The following RASAL2 variants were observed in gnomAD, a reference collection of about 807,000 sequenced individuals.
The protein encoded by RASAL2 is RAS protein activator like 2.
RASAL2 carries 58 observed loss-of-function variants against 128.9 expected under a neutral mutation model. The ratio of observed to expected loss-of-function variants is 0.45; its 90% CI spans 0.36 to 0.56. RASAL2 has a LOEUF of 0.56. Among genes scored for constraint, RASAL2 ranks in the 20% least tolerant of loss-of-function variants. The pLI is 0.00. For missense variants in RASAL2, 1,360 were observed against 1,601.6 expected, an observed-to-expected ratio of 0.85 and a Z score of 2.57; for synonymous variants, 561 against 580.8, an observed-to-expected ratio of 0.97 and a Z score of 0.49.
chr1:178,283,004 T>G (rs1054785713), intron 1 of RASAL2, among the ~76,000 whole-genome samples: 1 of 152,196 alleles, frequency 6.6e-6, no homozygotes, highest in Non-Finnish European at 1.5e-5. Context: ...GGTAATATAT[T>G]TAGATATTTT....
At chr1:178,313,086 G>A (rs1005141770) in intron 3 of RASAL2, among the ~76,000 whole-genome samples, 1 of 152,174 alleles carries the variant, frequency 6.6e-6, no homozygotes, top group African/African-American at 2.4e-5. Context: ...CTATGCTCCT[G>A]ACCACTATGC....
intron 3 of RASAL2, among the ~76,000 whole-genome samples, chr1:178,325,762 C>T (rs774721705): frequency 3.3e-5 from 5 of 152,136 alleles, no homozygotes; most frequent in African/African-American, 4.8e-5. Context: ...TATAGAGTTA[C>T]AGTAAAAGAT....
At chr1:178,132,221 A>T (rs1323071550) in intron 1 of RASAL2, among the ~76,000 whole-genome samples, 1 of 147,102 alleles carries the variant, frequency 6.8e-6, no homozygotes, top group African/African-American at 2.4e-5. Context: ...AAAAAATTTT[A>T]AATTTTTTTT....
At chr1:178,416,867 G>C (rs548035350) in intron 4 of RASAL2, among the ~76,000 whole-genome samples, 2 of 151,788 alleles carry the variant, frequency 1.3e-5, no homozygotes, top group African/African-American at 4.8e-5. Context: ...TGTACATAAG[G>C]TGTTTTTTCC....
intron 1 of RASAL2, among the ~76,000 whole-genome samples, chr1:178,213,749 TG>T (rs1663333271): frequency 6.7e-6 from 1 of 149,606 alleles, no homozygotes; most frequent in African/African-American, 2.5e-5. Context: ...CTTGGGGGAG[TG>T]GGGGAAGGAG....
intron 3 of RASAL2, among the ~76,000 whole-genome samples, chr1:178,347,959 A>G (rs997392925): frequency 5.3e-5 from 8 of 152,280 alleles, no homozygotes; most frequent in African/African-American, 9.6e-5. Context: ...ATGGAATTCT[A>G]TACAGCAATG....
In RASAL2 at chr1:178,396,030, G is replaced by GA. The variant is rs968006184; in HGVS notation, c.564+5833dup. On this transcript the variant is annotated intron_variant, in intron 4 of 17. Transcript: ENST00000367649. ...TTAGAACCAAAGGTCTCAGAGCAGA[G>GA]AAAAAAAAAGAATAAGGTTAGATAC... is the stretch of plus-strand genomic sequence containing the variant. 8.1e-4 allele frequency among the ~76,000 whole-genome samples: 122 copies of GA among 149,966 alleles called. 2 individuals carry two copies. The South Asian group carries it at 0.023, about 28-fold the overall frequency.
At chr1:178,245,510 C>T (rs1371135550) in intron 1 of RASAL2, among the ~76,000 whole-genome samples, 2 of 152,242 alleles carry the variant, frequency 1.3e-5, no homozygotes, top group East Asian at 3.9e-4. Flanking sequence ...AAATTTTCTC[C>T]CGTTCTGTAG....
At chr1:178,303,059 CAAATAGAATAGTG>C (rs1347056705) in intron 3 of RASAL2, among the ~76,000 whole-genome samples, 1 of 151,942 alleles carries the variant, frequency 6.6e-6, no homozygotes, top group Non-Finnish European at 1.5e-5. Flanking sequence ...GAAGAATAAA[CAAATAGAATAGTG>C]AAATAGAATA....
chr1:178,215,806 T>A (rs934742701), intron 1 of RASAL2, among the ~76,000 whole-genome samples: 1 of 152,166 alleles, frequency 6.6e-6, no homozygotes, highest in African/African-American at 2.4e-5. Context: ...TATCACTGAA[T>A]CAGTGATTAG....
intron 5 of RASAL2, among the ~76,000 whole-genome samples, chr1:178,438,863 A>G (rs2102828001): frequency 6.8e-6 from 1 of 146,828 alleles, no homozygotes; most frequent in Admixed American, 6.9e-5. Flanking sequence ...TCTTGTGATA[A>G]AAAGTTGAGC....
chr1:178,419,749 A>T (rs994731443), intron 4 of RASAL2, among the ~76,000 whole-genome samples: 2 of 152,156 alleles, frequency 1.3e-5, no homozygotes, highest in Non-Finnish European at 2.9e-5. Flanking sequence ...GTCGAGGAGG[A>T]TGTTCAGGGA....
At chr1:178,141,765 TGAA>T (rs1187420718) in intron 1 of RASAL2, among the ~76,000 whole-genome samples, 1 of 152,120 alleles carries the variant, frequency 6.6e-6, no homozygotes, top group African/African-American at 2.4e-5. Context: ...GGGCTCCATT[TGAA>T]GAACGATGTG....
intron 6 of RASAL2, among the ~76,000 whole-genome samples, chr1:178,440,974 AT>A (rs1222632160): frequency 8.0e-6 from 1 of 124,896 alleles, no homozygotes; most frequent in Non-Finnish European, 1.8e-5. Context: ...AGTTGAACAT[AT>A]TTATTTGCAG....
chr1:178,428,353 C>A (rs1044965422), intron 5 of RASAL2, among the ~76,000 whole-genome samples: 3 of 151,852 alleles, frequency 2.0e-5, no homozygotes, highest in Non-Finnish European at 2.9e-5. Flanking sequence ...TAAGAAACTA[C>A]CAAACTTTTC....
intron 1 of RASAL2, among the ~76,000 whole-genome samples, chr1:178,114,583 G>C (rs554177609): frequency 9.2e-5 from 14 of 151,544 alleles, no homozygotes; most frequent in Non-Finnish European, 1.3e-4. Flanking sequence ...GTGCAATGGC[G>C]GGATATCTGC....
At chr1:178,212,487 A>C (rs1478175012) in intron 1 of RASAL2, among the ~76,000 whole-genome samples, 1 of 151,548 alleles carries the variant, frequency 6.6e-6, no homozygotes, top group African/African-American at 2.4e-5. Flanking sequence ...TAGACTTCTA[A>C]CTCTTTTTTT....
At chr1:178,212,202 A>C (rs1211290260) in intron 1 of RASAL2, among the ~76,000 whole-genome samples, 6 of 152,260 alleles carry the variant, frequency 3.9e-5, no homozygotes, top group Non-Finnish European at 7.3e-5. Flanking sequence ...AAAAAACGGC[A>C]GAATAAAAAC....
chr1:178,390,892 G>A (rs1213466163), intron 4 of RASAL2, among the ~76,000 whole-genome samples: 1 of 151,942 alleles, frequency 6.6e-6, no homozygotes, highest in African/African-American at 2.4e-5. Context: ...GGAACGGGAT[G>A]TGGTTTTTTT....
Sources: allele counts gnomAD v4.1 joint callset (sites outside exome capture counted in the v4.1 genomes callset), GRCh38; gene constraint gnomAD v4.1.1; transcripts MANE v1.5; gene names NCBI Gene and HGNC (gene_info 2026-07-23, HGNC 2026-07-21).